F13A1: variants seen among roughly 807,000 people sequenced by gnomAD.
The protein encoded by F13A1 is coagulation factor XIII A chain, also known as FSF, A subunit.
Under a neutral mutation model 80.1 loss-of-function variants are expected in F13A1, and 47 were observed. The observed-to-expected ratio is 0.59, with a 90% CI of 0.46 to 0.75. The LOEUF (loss-of-function observed/expected upper bound fraction) is 0.75, where lower values mean the gene tolerates loss of function less well. F13A1 is among the 30% of genes least tolerant of loss of function. The probability of loss-of-function intolerance (pLI) is 0.00; values close to 1 mark genes in which losing one functional copy is unlikely to be tolerated. For synonymous variants in F13A1, 349 were observed against 344.9 expected (o/e 1.01, Z -0.13); for missense variants, 817 against 930.4 (o/e 0.88, Z 1.59).
intron 6 of F13A1, among the ~76,000 whole-genome samples, chr6:6,238,715 C>CATATATATATATATATATATATATATAT (rs4053228): frequency 6.9e-6 from 1 of 145,984 alleles, no homozygotes; most frequent in African/African-American, 2.6e-5. Context: ...AAACATGCTG[C>CATATATATATATATATATATATATATAT]ATATATATAT....
intron 14 of F13A1, among the ~76,000 whole-genome samples, chr6:6,151,606 T>C (rs893127306): frequency 6.6e-6 from 1 of 152,204 alleles, no homozygotes; most frequent in African/African-American, 2.4e-5. Context: ...ATCTACATCG[T>C]AGGGTGTCTT....
chr6:6,260,893 G>A (rs1220698504), intron 4 of F13A1, among the ~76,000 whole-genome samples: 1 of 152,154 alleles, frequency 6.6e-6, no homozygotes, highest in Admixed American at 6.5e-5. Flanking sequence ...GAGAGAGACT[G>A]GAATTAGGTT....
At chr6:6,271,102 G>A (rs116333817) in intron 3 of F13A1, among the ~76,000 whole-genome samples, 5,454 of 152,278 alleles carry the variant, frequency 0.036, 139 homozygotes, top group South Asian at 0.098. Context: ...AATTCCAAAG[G>A]AAGGAAAAAG....
intron 2 of F13A1, among the ~76,000 whole-genome samples, chr6:6,308,036 CAG>C (rs1485508978): frequency 6.6e-6 from 1 of 151,216 alleles, no homozygotes; most frequent in African/African-American, 2.4e-5. Context: ...TTGTTTGAAA[CAG>C]AGTCTTGCTC....
At chr6:6,192,732 G>T (rs1372544368) in intron 10 of F13A1, among the ~76,000 whole-genome samples, 1 of 152,182 alleles carries the variant, frequency 6.6e-6, no homozygotes, top group East Asian at 1.9e-4. Context: ...GATGGTTGCT[G>T]TGGTCCCAGG....
chr6:6,270,004 G>A (rs894321870), intron 3 of F13A1, among the ~76,000 whole-genome samples: 3 of 152,104 alleles, frequency 2.0e-5, no homozygotes, highest in South Asian at 2.1e-4. Context: ...GAGCCACTGC[G>A]CCCAGCCTAC....
Position 6,174,808 on chromosome 6 carries a change from G to A in F13A1, c.1519C>T (p.Leu507Phe). The A allele has an allele frequency of 1.2e-6, 2 of 1,614,160 alleles. No individual in the cohort carries two copies. Among genetic ancestry groups the A allele is most frequent in the Non-Finnish European group, 1.7e-6 (2 of 1,180,036 alleles). The part of the protein sequence containing the change: ...TALMYGAKKP[L>F]NTEGVMKSRS... Reference sequence around the variant, plus strand: ...GATTTCATGACACCTTCTGTGTTGAGGGGCTTTTTAGCTCCGTACATCAGG... The same window carrying A: ...GATTTCATGACACCTTCTGTGTTGAAGGGCTTTTTAGCTCCGTACATCAGG... The change falls in exon 12 of 15, where the codon CTC becomes TTC. Residue 507 changes from leucine to phenylalanine, a missense_variant. Transcript: ENST00000264870.
intron 2 of F13A1, among the ~76,000 whole-genome samples, chr6:6,309,168 A>C (rs1392300802): frequency 1.3e-5 from 2 of 151,270 alleles, no homozygotes; most frequent in Non-Finnish European, 2.9e-5. Flanking sequence ...GTGCTATTTT[A>C]TGTTGCCACT....
intron 3 of F13A1, among the ~76,000 whole-genome samples, chr6:6,298,436 A>T (rs1401451948): frequency 1.3e-5 from 2 of 150,242 alleles, no homozygotes; most frequent in East Asian, 3.8e-4. Flanking sequence ...GTGCTCCTGT[A>T]TTGGGTGCAT....
chr6:6,255,211 T>C (rs1295025801), intron 4 of F13A1, among the ~76,000 whole-genome samples: 7 of 152,182 alleles, frequency 4.6e-5, no homozygotes, highest in African/African-American at 1.7e-4. Flanking sequence ...TTTAAGTATT[T>C]ACTTCTTAAT....
rs567837553 is a variant in F13A1, at chr6:6,147,303, T to TA, written c.2046-1532dup. Among the ~76,000 whole-genome samples the TA allele has an allele frequency of 2.6e-5, 4 of 152,088 alleles. No individual in the cohort carries two copies. The South Asian group carries it at 6.2e-4, about 24-fold the overall frequency. ...ACTGTTCCCCAAAAACCTATAGAAA[T>TA]AAAAAAAGAAAAGAAGAAAAGGCTT... is the stretch of plus-strand genomic sequence containing the variant. On this transcript the variant is annotated intron_variant, in intron 14 of 14. Coordinates refer to ENST00000264870, the MANE Select transcript of F13A1 (RefSeq NM_000129.4).
In F13A1 at chr6:6,205,388, G is replaced by A. The variant is rs868673383; in HGVS notation, c.1113-8062C>T. 5.3e-5 allele frequency among the ~76,000 whole-genome samples: 8 copies of A among 152,244 alleles called. No individual in the cohort carries two copies. The South Asian group carries it at 6.2e-4, about 12-fold the overall frequency. On this transcript the variant is annotated intron_variant, in intron 8 of 14. Transcript: ENST00000264870. ...AACCAAATGGATGTTGCAACCCATC[G>A]GAAAGGACATCAACGCTAAATGCAG...
chr6:6,239,770 A>T (rs1437505022), intron 6 of F13A1, among the ~76,000 whole-genome samples: 1 of 152,184 alleles, frequency 6.6e-6, no homozygotes, highest in Non-Finnish European at 1.5e-5. Context: ...TTTCATTGCC[A>T]TACCACTGCT....
intron 3 of F13A1, among the ~76,000 whole-genome samples, chr6:6,301,038 T>A (rs1410738317): frequency 6.6e-6 from 1 of 152,226 alleles, no homozygotes; most frequent in Non-Finnish European, 1.5e-5. Context: ...GGTGCACCTG[T>A]ATATAGAAAC....
In F13A1 at chr6:6,203,686, C is replaced by G. The variant is rs1761438539; in HGVS notation, c.1113-6360G>C. Among the ~76,000 whole-genome samples the G allele has an allele frequency of 2.0e-5, 3 of 152,162 alleles. No homozygotes were observed. The South Asian group carries it at 6.2e-4, about 32-fold the overall frequency. On this transcript the variant is annotated intron_variant, in intron 8 of 14. Transcript: ENST00000264870. ...GCAGAGAGACCCAGTCAACCAGTGA[C>G]CAAACTCCTGACCCACAGGAATTGT...
intron 13 of F13A1, among the ~76,000 whole-genome samples, chr6:6,157,385 A>G (rs922944785): frequency 4.6e-5 from 7 of 152,198 alleles, no homozygotes; most frequent in Non-Finnish European, 1.0e-4. Context: ...ATTCATCTTC[A>G]AAACTACCTA....
chr6:6,285,207 C>T (rs759715845), intron 3 of F13A1, among the ~76,000 whole-genome samples: 1 of 152,190 alleles, frequency 6.6e-6, no homozygotes, highest in Non-Finnish European at 1.5e-5. Flanking sequence ...TGAGATCACG[C>T]CACTGCACTC....
chr6:6,211,951 A>T (rs1478086962), intron 8 of F13A1, among the ~76,000 whole-genome samples: 1 of 152,218 alleles, frequency 6.6e-6, no homozygotes, highest in South Asian at 2.1e-4. Flanking sequence ...ACTCCCACCC[A>T]AATACTGCGC....
At chr6:6,153,671 G>T (rs555412194) in intron 13 of F13A1, among the ~76,000 whole-genome samples, 2 of 152,154 alleles carry the variant, frequency 1.3e-5, no homozygotes, top group Non-Finnish European at 2.9e-5. Flanking sequence ...AGCATGGATC[G>T]TGTGCCAGGC....
Sources: allele counts gnomAD v4.1 joint callset (sites outside exome capture counted in the v4.1 genomes callset), GRCh38; gene constraint gnomAD v4.1.1; transcripts MANE v1.5; gene names NCBI Gene and HGNC (gene_info 2026-07-23, HGNC 2026-07-21).